Variants in DGKB observed in about 807,000 individuals in gnomAD.
The protein encoded by DGKB is 90 kDa diacylglycerol kinase.
DGKB carries 67 observed loss-of-function variants against 114.3 expected under a neutral mutation model. That is an observed-to-expected ratio of 0.59 (90% CI 0.48 to 0.72). The LOEUF (loss-of-function observed/expected upper bound fraction) is 0.72. DGKB is among the 30% of genes least tolerant of loss of function. The pLI is 0.00. For missense variants in DGKB, 907 were observed against 975.2 expected (o/e 0.93, Z 0.93); for synonymous variants, 398 against 323.1 (o/e 1.23, Z -2.49).
chr7:14,742,294 T>G (rs1416657660), intron 4 of DGKB, among the ~76,000 whole-genome samples: 2 of 152,210 alleles, frequency 1.3e-5, no homozygotes, highest in African/African-American at 2.4e-5. Flanking sequence ...TTACAACTAC[T>G]GGATCTTCTT....
chr7:14,877,431 T>C (rs796452335), intron 1 of DGKB, among the ~76,000 whole-genome samples: 6 of 152,264 alleles, frequency 3.9e-5, no homozygotes, highest in African/African-American at 1.2e-4. Context: ...GGCACATGCC[T>C]GTAATCCCAG....
intron 21 of DGKB, among the ~76,000 whole-genome samples, chr7:14,382,451 T>TAC (rs4027189): frequency 6.6e-5 from 10 of 150,712 alleles, no homozygotes; most frequent in Middle Eastern, 3.4e-3. Flanking sequence ...TGCATGCCTG[T>TAC]ACACACACAC....
At chr7:14,601,883 A>T (rs1440497872) in intron 17 of DGKB, among the ~76,000 whole-genome samples, 1 of 152,050 alleles carries the variant, frequency 6.6e-6, no homozygotes, top group Non-Finnish European at 1.5e-5. Flanking sequence ...AACCATGTAG[A>T]TAATCTCTAA....
At chr7:14,629,647 G>C (rs1366590682) in intron 14 of DGKB, among the ~76,000 whole-genome samples, 5 of 151,992 alleles carry the variant, frequency 3.3e-5, no homozygotes, top group Non-Finnish European at 5.9e-5. Context: ...TCAATGCAAA[G>C]GTAAAGCAAA....
intron 1 of DGKB, among the ~76,000 whole-genome samples, chr7:14,913,288 T>A (rs1186891993): frequency 2.6e-5 from 4 of 151,896 alleles, no homozygotes; most frequent in Non-Finnish European, 5.9e-5. Flanking sequence ...TTTCACCCTC[T>A]GTTGACTACC....
At chr7:14,956,845 G>C (rs760831854) in intron 1 of DGKB, among the ~76,000 whole-genome samples, 1 of 150,106 alleles carries the variant, frequency 6.7e-6, no homozygotes, top group Non-Finnish European at 1.5e-5. Context: ...AGAGGGAAAA[G>C]TCGTTTCAAT....
intron 21 of DGKB, among the ~76,000 whole-genome samples, chr7:14,460,590 C>G (rs561609372): frequency 6.6e-6 from 1 of 151,910 alleles, no homozygotes; most frequent in Non-Finnish European, 1.5e-5. Context: ...TACAGGGGGA[C>G]GCAGATTCAT....
intron 1 of DGKB, among the ~76,000 whole-genome samples, chr7:14,973,883 A>G (rs572324845): frequency 1.2e-3 from 183 of 148,330 alleles, no homozygotes; most frequent in African/African-American, 4.2e-3. Context: ...TAAGATACTT[A>G]AATTTATAAA....
chr7:14,952,401 C>G (rs1280547948), intron 1 of DGKB, among the ~76,000 whole-genome samples: 1 of 151,960 alleles, frequency 6.6e-6, no homozygotes, highest in Non-Finnish European at 1.5e-5. Context: ...GCTAATATAG[C>G]AATGCTTCCC....
intron 23 of DGKB, among the ~76,000 whole-genome samples, chr7:14,288,249 TAA>T: frequency 7.7e-6 from 1 of 129,960 alleles, no homozygotes; most frequent in African/African-American, 3.1e-5. Context: ...TTTTTTTTGT[TAA>T]AAGAAAAAAA....
chr7:14,176,488 T>G (rs1297209983), intron 25 of DGKB: 1 of 1,003,880 alleles, frequency 1.0e-6, no homozygotes, highest in Non-Finnish European at 1.2e-6. Context: ...TTGCAAATAA[T>G]ATTCTAATAA....
chr7:14,232,690 T>C (rs2128343938), intron 23 of DGKB, among the ~76,000 whole-genome samples: 1 of 152,178 alleles, frequency 6.6e-6, no homozygotes, highest in East Asian at 1.9e-4. Context: ...GGGCACAGTC[T>C]GATTAGAAAC....
chr7:14,159,300 A>G (rs1783506143), intron 25 of DGKB, among the ~76,000 whole-genome samples: 1 of 152,096 alleles, frequency 6.6e-6, no homozygotes, highest in South Asian at 2.1e-4. Flanking sequence ...TTTGGGGCCT[A>G]GTTATATCCT....
intron 13 of DGKB, among the ~76,000 whole-genome samples, chr7:14,654,524 A>G (rs1453083487): frequency 6.6e-6 from 1 of 152,066 alleles, no homozygotes. Flanking sequence ...TTTTCTTCAA[A>G]TAAATAGGGA....
chr7:14,406,515 G>C (rs1481483110), intron 21 of DGKB, among the ~76,000 whole-genome samples: 1 of 152,014 alleles, frequency 6.6e-6, no homozygotes, highest in Non-Finnish European at 1.5e-5. Flanking sequence ...GATCACGACA[G>C]CACTTACAGG....
chr7:14,784,367 C>CT (rs1216046590), intron 2 of DGKB, among the ~76,000 whole-genome samples: 8,410 of 129,180 alleles, frequency 0.065, 972 homozygotes, highest in African/African-American at 0.21. Context: ...AAATTATATG[C>CT]TTTTTTTTTT....
chr7:14,431,517 G>A (rs557584931), intron 21 of DGKB, among the ~76,000 whole-genome samples: 8 of 152,080 alleles, frequency 5.3e-5, no homozygotes, highest in African/African-American at 9.6e-5. Context: ...ACCATGTCAC[G>A]AACCAAAGAA....
chr7:14,710,625 G>T (rs1469619127), intron 6 of DGKB, among the ~76,000 whole-genome samples: 1 of 151,992 alleles, frequency 6.6e-6, no homozygotes, highest in Non-Finnish European at 1.5e-5. Context: ...AGTTTGATGG[G>T]TGTTTCTTAT....
chr7:14,896,997 G>C (rs1782206324), intron 1 of DGKB, among the ~76,000 whole-genome samples: 1 of 151,742 alleles, frequency 6.6e-6, no homozygotes, highest in African/African-American at 2.4e-5. Context: ...GCCTCACTGG[G>C]GGAAACTCAT....
Sources: allele counts gnomAD v4.1 joint callset (sites outside exome capture counted in the v4.1 genomes callset), GRCh38; gene constraint gnomAD v4.1.1; transcripts MANE v1.5; gene names NCBI Gene and HGNC (gene_info 2026-07-23, HGNC 2026-07-21).